ZSCAN4: variants seen among roughly 807,000 people sequenced by gnomAD.
ZSCAN4 encodes the protein zinc finger and SCAN domain-containing protein 4.
In ZSCAN4, 18 loss-of-function variants were observed where a neutral mutation model predicts 18.3. The observed-to-expected ratio is 0.98, with a 90% confidence interval of 0.68 to 1.46. The LOEUF is 1.46. Ranked by LOEUF, ZSCAN4 falls within the 40% of genes most tolerant of loss-of-function variation. The pLI, the probability that ZSCAN4 is intolerant of heterozygous loss-of-function variation, is 0.00. For missense variants in ZSCAN4, 498 were observed against 511.4 expected (o/e 0.97, Z 0.25); for synonymous variants, 193 against 180.3 (o/e 1.07, Z -0.57).
At chr19:57,668,592 C>G (rs62128092), upstream of ZSCAN4, among the ~76,000 whole-genome samples, 8 of 152,196 alleles carry the variant, frequency 5.3e-5, no homozygotes, top group East Asian at 1.6e-3. Flanking sequence ...CCCTTCGATA[C>G]GTTCTCAACT....
At chr19:57,657,117 G>A in the ZSCAN4 span, among the ~76,000 whole-genome samples, 1 of 152,026 alleles carries the variant, frequency 6.6e-6, no homozygotes, top group African/African-American at 2.4e-5. Context: ...GTGTCCAGGA[G>A]TGGTGGCAGG....
intron 2 of ZSCAN4, among the ~76,000 whole-genome samples, chr19:57,674,309 A>T (rs1984113605): frequency 6.6e-6 from 1 of 152,180 alleles, no homozygotes; most frequent in Non-Finnish European, 1.5e-5. Context: ...GTAATTTTTC[A>T]ATACCCATTT....
At chr19:57,655,934 C>T in the ZSCAN4 span, among the ~76,000 whole-genome samples, 6 of 152,162 alleles carry the variant, frequency 3.9e-5, no homozygotes, top group Middle Eastern at 3.4e-3. Context: ...CCAATACTGT[C>T]GCATCCCCTA....
the ZSCAN4 span, among the ~76,000 whole-genome samples, chr19:57,656,279 G>A: frequency 0.096 from 14,585 of 152,098 alleles, 1,460 homozygotes; most frequent in African/African-American, 0.25. Flanking sequence ...CATCACTGTT[G>A]TCCATTTTCC....
At chr19:57,665,983 A>T (rs1034719779), upstream of ZSCAN4, among the ~76,000 whole-genome samples, 1 of 152,196 alleles carries the variant, frequency 6.6e-6, no homozygotes, top group Non-Finnish European at 1.5e-5. Context: ...TCTTAGGACA[A>T]TTTTTTAATT....
At chr19:57,663,481 T>C in the ZSCAN4 span, among the ~76,000 whole-genome samples, 1 of 123,966 alleles carries the variant, frequency 8.1e-6, no homozygotes, top group Admixed American at 9.0e-5. Flanking sequence ...AGCCTAGGAG[T>C]TCGAGGCCAG....
chr19:57,669,944 C>A (rs1234392062), intron 1 of ZSCAN4, among the ~76,000 whole-genome samples: 1 of 152,116 alleles, frequency 6.6e-6, no homozygotes, highest in East Asian at 1.9e-4. Context: ...GCTCTGTCTC[C>A]CAGGCTGGAA....
the ZSCAN4 span, among the ~76,000 whole-genome samples, chr19:57,654,738 G>C: frequency 4.6e-5 from 7 of 152,238 alleles, no homozygotes; most frequent in South Asian, 1.4e-3. Context: ...TGGACTTGAA[G>C]GACACCTTTT....
At chr19:57,666,574 C>CAA (rs10553956), upstream of ZSCAN4, among the ~76,000 whole-genome samples, 1 of 141,222 alleles carries the variant, frequency 7.1e-6, no homozygotes. Flanking sequence ...TATTTTTTCT[C>CAA]AAAAAAAAAA....
chr19:57,666,794 TG>T (rs769096392), upstream of ZSCAN4, among the ~76,000 whole-genome samples: 4 of 152,134 alleles, frequency 2.6e-5, no homozygotes, highest in Non-Finnish European at 5.9e-5. Context: ...GAAGTTGCAG[TG>T]AGCCAAGATC....
the ZSCAN4 span, among the ~76,000 whole-genome samples, chr19:57,657,867 C>T: frequency 3.3e-5 from 5 of 152,090 alleles, no homozygotes; most frequent in Non-Finnish European, 7.4e-5. Context: ...TACATTGTCA[C>T]CTAATACAGT....
At chr19:57,663,584 C>CTACTT in the ZSCAN4 span, among the ~76,000 whole-genome samples, 14 of 145,014 alleles carry the variant, frequency 9.7e-5, no homozygotes, top group Non-Finnish European at 1.9e-4. Flanking sequence ...GTAATCCCAG[C>CTACTT]TACTTTCAGC....
chr19:57,678,661 C>T, exon 5 of ZSCAN4: 1 of 1,614,092 alleles, frequency 6.2e-7, no homozygotes, highest in Non-Finnish European at 8.5e-7. Flanking sequence ...TTCCAGATAT[C>T]AGACCTACGG....
chr19:57,677,788 G>A, intron 3 of ZSCAN4, 126 bp from the exon 4 acceptor site: 4 of 789,294 alleles, frequency 5.1e-6, no homozygotes, highest in Non-Finnish European at 7.5e-6. Context: ...ATCAGAGATG[G>A]TGGACAAAAT....
At chr19:57,679,151 CATA>C (rs1555753464) in exon 5 of ZSCAN4, 1 of 296,988 alleles carries the variant, frequency 3.4e-6, no homozygotes, top group Non-Finnish European at 6.1e-6. Context: ...TGAATGAATC[CATA>C]ATGTTGATAT....
At chr19:57,655,521 G>T in the ZSCAN4 span, among the ~76,000 whole-genome samples, 885 of 152,228 alleles carry the variant, frequency 5.8e-3, 8 homozygotes, top group African/African-American at 0.02. Context: ...GATCTTATGT[G>T]TGTCTATGCT....
chr19:57,663,707 C>CAAA, the ZSCAN4 span, among the ~76,000 whole-genome samples: 1 of 87,798 alleles, frequency 1.1e-5, no homozygotes, highest in Admixed American at 1.2e-4. Context: ...CAACCTGTCT[C>CAAA]AAAAAAAAAA....
chr19:57,673,308 C>T (rs929058799), intron 2 of ZSCAN4, among the ~76,000 whole-genome samples: 5 of 151,646 alleles, frequency 3.3e-5, no homozygotes, highest in African/African-American at 1.2e-4. Flanking sequence ...ATTACAGGCG[C>T]GAGTCACCGT....
At chr19:57,656,130 C>T in the ZSCAN4 span, among the ~76,000 whole-genome samples, 1 of 152,142 alleles carries the variant, frequency 6.6e-6, no homozygotes, top group Non-Finnish European at 1.5e-5. Context: ...CAAACTGATA[C>T]ACAGGTTGCT....
Sources: gnomAD v4.1 joint callset for allele counts (sites outside exome capture counted in the v4.1 genomes callset) on GRCh38, gnomAD v4.1.1 for gene constraint, MANE v1.5 for transcripts, NCBI Gene and HGNC (gene_info 2026-07-23, HGNC 2026-07-21) for gene names.